NLGN1: variants seen among roughly 807,000 people sequenced by gnomAD.
NLGN1 encodes neuroligin 1, also known as neuroligin-1.
NLGN1 carries 12 observed loss-of-function variants against 65.5 expected under a neutral mutation model. The ratio of observed to expected loss-of-function variants is 0.18; its 90% CI spans 0.12 to 0.30. The LOEUF is 0.30. Ranked by LOEUF, NLGN1 falls within the 10% of genes least tolerant of loss-of-function variation. NLGN1 has a pLI of 1.00. For synonymous variants in NLGN1, 350 were observed against 359.5 expected (o/e 0.97, Z 0.30); for missense variants, 750 against 1,007.1 (o/e 0.74, Z 3.46).
chr3:173,489,024 T>G (rs984423364), intron 2 of NLGN1, among the ~76,000 whole-genome samples: 4 of 151,978 alleles, frequency 2.6e-5, no homozygotes, highest in Non-Finnish European at 2.9e-5. Context: ...TTAGATTTTC[T>G]TCTCAACCCC....
At chr3:174,106,690 T>C (rs1713890859) in intron 4 of NLGN1, among the ~76,000 whole-genome samples, 2 of 151,858 alleles carry the variant, frequency 1.3e-5, no homozygotes, top group South Asian at 4.1e-4. Flanking sequence ...GTGAACTGGC[T>C]CACATGATTA....
intron 4 of NLGN1, among the ~76,000 whole-genome samples, chr3:174,105,620 G>T (rs1209921306): frequency 1.4e-5 from 2 of 146,608 alleles, no homozygotes; most frequent in Non-Finnish European, 3.0e-5. Flanking sequence ...ACCAGATCAT[G>T]TTTATTCAGG....
At chr3:173,829,670 A>G (rs547581709) in intron 4 of NLGN1, among the ~76,000 whole-genome samples, 2 of 152,134 alleles carry the variant, frequency 1.3e-5, no homozygotes, top group Non-Finnish European at 2.9e-5. Flanking sequence ...TATACTATAC[A>G]TTAGATCCCA....
chr3:174,214,571 G>A (rs532327336), intron 4 of NLGN1, among the ~76,000 whole-genome samples: 2 of 152,108 alleles, frequency 1.3e-5, no homozygotes, highest in East Asian at 3.9e-4. Context: ...ATCCATGATG[G>A]TAGGTACCAA....
rs369139747 is a variant in NLGN1, at chr3:174,273,455, CTCTG to C, written c.647-1856_647-1853del. ...ATCTTTCAGAAGTTTAAACTAATGA[CTCTG>C]TCTTATACCAAAGTTCATGTGATAG... On this transcript the variant is annotated intron_variant, in intron 4 of 6. Coordinates refer to ENST00000457714, the Ensembl canonical transcript of NLGN1. Among the ~76,000 whole-genome samples the C allele has an allele frequency of 1.5e-3, 224 of 151,696 alleles. 1 individual carries two copies. The highest frequency in any genetic ancestry group is 5.3e-3 in the African/African-American group (218 of 41,492).
intron 4 of NLGN1, among the ~76,000 whole-genome samples, chr3:173,910,127 TCTC>T (rs1420255529): frequency 1.3e-5 from 2 of 152,188 alleles, no homozygotes; most frequent in Non-Finnish European, 2.9e-5. Flanking sequence ...GTTTCTTTCT[TCTC>T]CTTCCTGATC....
At chr3:174,154,993 T>TTATATATTGATATAA (rs1553948778) in intron 4 of NLGN1, among the ~76,000 whole-genome samples, 10 of 122,444 alleles carry the variant, frequency 8.2e-5, no homozygotes, top group Admixed American at 5.4e-4. Context: ...TATTATATAT[T>TTATATATTGATATAA]ATATATATTT....
chr3:174,032,642 C>T (rs1730264423), intron 4 of NLGN1, among the ~76,000 whole-genome samples: 1 of 152,160 alleles, frequency 6.6e-6, no homozygotes, highest in Non-Finnish European at 1.5e-5. Context: ...CCCACACTCT[C>T]ATGGGCTTTA....
intron 2 of NLGN1, among the ~76,000 whole-genome samples, chr3:173,502,917 C>T (rs1166903289): frequency 1.3e-5 from 2 of 152,036 alleles, no homozygotes; most frequent in African/African-American, 4.8e-5. Context: ...AATTGCTGTT[C>T]ACTGTAGTTA....
chr3:173,642,867 A>T (rs957766918), intron 3 of NLGN1, among the ~76,000 whole-genome samples: 8 of 152,226 alleles, frequency 5.3e-5, no homozygotes, highest in African/African-American at 1.9e-4. Flanking sequence ...TAAGTAAAAT[A>T]CTAAGTCAAC....
At chr3:173,670,667 C>G (rs1445336082) in intron 3 of NLGN1, among the ~76,000 whole-genome samples, 1 of 152,042 alleles carries the variant, frequency 6.6e-6, no homozygotes, top group Non-Finnish European at 1.5e-5. Flanking sequence ...AAGTTCTTTG[C>G]TAATTTATCA....
intron 2 of NLGN1, among the ~76,000 whole-genome samples, chr3:173,472,464 C>T (rs573678240): frequency 6.6e-6 from 1 of 151,790 alleles, no homozygotes; most frequent in African/African-American, 2.4e-5. Flanking sequence ...TTCAGGAGTA[C>T]AATTTGCAGA....
At chr3:173,702,468 AG>A (rs1767375894) in intron 3 of NLGN1, among the ~76,000 whole-genome samples, 1 of 152,244 alleles carries the variant, frequency 6.6e-6, no homozygotes, top group Non-Finnish European at 1.5e-5. Flanking sequence ...ATTAATTAAT[AG>A]AATACCTTAA....
chr3:173,632,059 A>G (rs1031419638), intron 3 of NLGN1, among the ~76,000 whole-genome samples: 6 of 152,174 alleles, frequency 3.9e-5, no homozygotes, highest in Non-Finnish European at 4.4e-5. Context: ...ACTAGGAGGC[A>G]GCCTTCAATC....
chr3:174,026,862 TTC>T (rs1189931129), intron 4 of NLGN1, among the ~76,000 whole-genome samples: 1 of 152,206 alleles, frequency 6.6e-6, no homozygotes, highest in East Asian at 1.9e-4. Context: ...CCTAATTTTA[TTC>T]TCTTTTTATA....
At chr3:174,133,608 A>G (rs886452680) in intron 4 of NLGN1, among the ~76,000 whole-genome samples, 12 of 152,084 alleles carry the variant, frequency 7.9e-5, no homozygotes, top group African/African-American at 2.9e-4. Context: ...GAGTTACGCA[A>G]ATAGTACAAG....
At chr3:173,899,558 A>G (rs1579068775) in intron 4 of NLGN1, among the ~76,000 whole-genome samples, 1 of 152,252 alleles carries the variant, frequency 6.6e-6, no homozygotes, top group East Asian at 1.9e-4. Flanking sequence ...GTTAAGAATG[A>G]TTTTTATACA....
At chr3:173,428,330 C>G (rs1716529696) in intron 1 of NLGN1, among the ~76,000 whole-genome samples, 1 of 151,728 alleles carries the variant, frequency 6.6e-6, no homozygotes, top group South Asian at 2.1e-4. Context: ...TTCTGATTTT[C>G]TGGTTGTATT....
intron 4 of NLGN1, among the ~76,000 whole-genome samples, chr3:173,826,930 C>A (rs898774866): frequency 9.9e-5 from 15 of 151,920 alleles, no homozygotes; most frequent in Admixed American, 7.2e-4. Context: ...ATATAGGAAA[C>A]AAATAAACAA....
Sources: gnomAD v4.1 joint callset for allele counts (sites outside exome capture counted in the v4.1 genomes callset) on GRCh38, gnomAD v4.1.1 for gene constraint, MANE v1.5 for transcripts, NCBI Gene and HGNC (gene_info 2026-07-23, HGNC 2026-07-21) for gene names.